TRIM33: variants seen among roughly 807,000 people sequenced by gnomAD.
TRIM33 encodes E3 ubiquitin-protein ligase TRIM33.
In TRIM33, 20 loss-of-function variants were observed where a neutral mutation model predicts 125.4. The ratio of observed to expected loss-of-function variants is 0.16; its 90% CI spans 0.11 to 0.23. The LOEUF (loss-of-function observed/expected upper bound fraction) is 0.23, where lower values mean the gene tolerates loss of function less well. Ranked by LOEUF, TRIM33 falls within the 10% of genes least tolerant of loss-of-function variation. The pLI is 1.00. For missense variants in TRIM33, 920 were observed against 1,411.4 expected (o/e 0.65, Z 5.58); for synonymous variants, 564 against 513.9 (o/e 1.10, Z -1.32).
intron 1 of TRIM33, among the ~76,000 whole-genome samples, chr1:114,497,994 G>A (rs1652472886): frequency 6.6e-6 from 1 of 151,938 alleles, no homozygotes. Context: ...TGGGCACAGT[G>A]GTACACGTCT....
At chr1:114,413,578 A>AGAAAATAAAAAGACTTTTTCT (rs1553206938) in intron 11 of TRIM33, among the ~76,000 whole-genome samples, 1 of 132,224 alleles carries the variant, frequency 7.6e-6, no homozygotes, top group African/African-American at 3.2e-5. Context: ...AAAAAAGAAA[A>AGAAAATAAAAAGACTTTTTCT]GAAAAGAAAA....
In TRIM33 at chr1:114,501,205, A is replaced by AG. The variant is rs1267649321; in HGVS notation, c.526+9345_526+9346insC. On this transcript the variant is annotated intron_variant, in intron 1 of 19. Transcript: ENST00000358465. ...ACTCCGTCTCAAAAAAAAAAAAAAAAAAAAAAAGAATTTGGGAGGGACTTG... is the reference window on the plus strand; with the variant it reads ...ACTCCGTCTCAAAAAAAAAAAAAAAAGAAAAAAAGAATTTGGGAGGGACTTG... Among the ~76,000 whole-genome samples, 7 of 64,784 alleles carry AG rather than the reference A, an allele frequency of 1.1e-4. 1 individual carries two copies. The highest frequency in any genetic ancestry group is 5.9e-4 in the African/African-American group (7 of 11,922). The allele number at this position is 64,784 out of a possible 152,430, so 42.5% of individuals were successfully genotyped here. A position where few individuals can be genotyped will look rare whatever the true frequency, so the allele number is the denominator to read the frequency against.
chr1:114,487,690 G>A (rs2101519949), intron 1 of TRIM33, among the ~76,000 whole-genome samples: 1 of 151,216 alleles, frequency 6.6e-6, no homozygotes, highest in East Asian at 1.9e-4. Flanking sequence ...GAGGTCAGGA[G>A]ATCGAGACCA....
chr1:114,444,364 G>A (rs1028668159), intron 4 of TRIM33, among the ~76,000 whole-genome samples: 1 of 152,186 alleles, frequency 6.6e-6, no homozygotes, highest in African/African-American at 2.4e-5. Flanking sequence ...GTTGACACTG[G>A]AAGAGAAGAA....
intron 11 of TRIM33, among the ~76,000 whole-genome samples, chr1:114,414,987 C>CTTTTTTTT (rs1232374980): frequency 3.7e-5 from 4 of 108,198 alleles, no homozygotes; most frequent in Non-Finnish European, 5.8e-5. Context: ...GAGGTAGATT[C>CTTTTTTTT]TATTTTTTTT....
At chr1:114,452,374 C>T (rs1052452886) in intron 4 of TRIM33, among the ~76,000 whole-genome samples, 1 of 151,998 alleles carries the variant, frequency 6.6e-6, no homozygotes, top group Non-Finnish European at 1.5e-5. Flanking sequence ...GCAGGAGAAT[C>T]GCTTGAAACC....
In TRIM33 at chr1:114,488,891, G is replaced by T. The variant is rs191333534; in HGVS notation, c.526+21660C>A. ...AAAAATAAAAAAATTGCTGGGTGTG[G>T]TGTAGCCACACATCTGTAGTGGTGT... On this transcript the variant is annotated intron_variant, in intron 1 of 19. Transcript: ENST00000358465. Among the ~76,000 whole-genome samples, 94 of 152,282 alleles carry T rather than the reference G, an allele frequency of 6.2e-4. 1 individual carries two copies. The highest frequency in any genetic ancestry group is 1.4e-3 in the Admixed American group (21 of 15,294).
At chr1:114,406,048 T>G (rs191327576) in intron 14 of TRIM33, among the ~76,000 whole-genome samples, 2 of 152,208 alleles carry the variant, frequency 1.3e-5, no homozygotes, top group Non-Finnish European at 1.5e-5. Context: ...GTTATACTTT[T>G]CCTTGAGAGA....
intron 1 of TRIM33, among the ~76,000 whole-genome samples, chr1:114,490,084 C>CAAAAAAA (rs776451339): frequency 4.8e-4 from 18 of 37,498 alleles, no homozygotes; most frequent in African/African-American, 9.2e-4. Context: ...GACTCCGTCT[C>CAAAAAAA]AAAAAAAAAA....
intron 10 of TRIM33, among the ~76,000 whole-genome samples, chr1:114,424,136 T>A (rs561864051): frequency 4.4e-4 from 66 of 151,632 alleles, no homozygotes; most frequent in African/African-American, 1.6e-3. Flanking sequence ...AATATTTGAG[T>A]AGAGAAAAGG....
chr1:114,460,108 C>T lies in TRIM33; in HGVS notation c.923+2996G>A, dbSNP rs139395939. ...AAAGGATGATAAATTTCAGATTGTGCGAGGACACTATAAAGGTCAGCAAAC... is the reference window on the plus strand; with the variant it reads ...AAAGGATGATAAATTTCAGATTGTGTGAGGACACTATAAAGGTCAGCAAAC... On this transcript the variant is annotated intron_variant, in intron 4 of 19. Transcript: ENST00000358465. 773 of 163,862 alleles carry T rather than the reference C, an allele frequency of 4.7e-3. 4 individuals carry two copies. The highest frequency in any genetic ancestry group is 7.7e-3 in the Non-Finnish European group (565 of 72,940). The allele number at this position is 163,862 out of a possible 1,614,324, so 10.2% of individuals were successfully genotyped here. A position where few individuals can be genotyped will look rare whatever the true frequency, so the allele number is the denominator to read the frequency against.
chr1:114,415,270 T>TA (rs1652864436), intron 11 of TRIM33, among the ~76,000 whole-genome samples: 1 of 152,110 alleles, frequency 6.6e-6, no homozygotes, highest in African/African-American at 2.4e-5. Context: ...GTGCTGGGAC[T>TA]ACAGGCAGAG....
chr1:114,422,750 C>T (rs1647282562), intron 10 of TRIM33, among the ~76,000 whole-genome samples: 3 of 151,598 alleles, frequency 2.0e-5, no homozygotes, highest in African/African-American at 7.3e-5. Flanking sequence ...CAAATGGGTT[C>T]GAATATTTGA....
chr1:114,459,383 G>C (rs1010547433), intron 4 of TRIM33, among the ~76,000 whole-genome samples: 20 of 152,162 alleles, frequency 1.3e-4, no homozygotes, highest in African/African-American at 4.6e-4. Flanking sequence ...GGAGGATAAG[G>C]CATCCACCAC....
intron 5 of TRIM33, among the ~76,000 whole-genome samples, chr1:114,431,473 A>G (rs2101187443): frequency 6.6e-6 from 1 of 152,342 alleles, no homozygotes; most frequent in Non-Finnish European, 1.5e-5. Flanking sequence ...ATTTTTAAGA[A>G]TAGCTTTAGA....
At chr1:114,464,446 T>C (rs1650169345) in intron 1 of TRIM33, 58 bp from the exon 2 acceptor site, 2 of 977,108 alleles carry the variant, frequency 2.0e-6, no homozygotes, top group South Asian at 3.3e-5. Context: ...AAATTGTGCA[T>C]GATGTCCATA....
intron 16 of TRIM33, 111 bp from the exon 17 acceptor site, chr1:114,401,574 A>G: frequency 1.3e-6 from 1 of 785,114 alleles, no homozygotes; most frequent in Non-Finnish European, 2.0e-6. Flanking sequence ...ACTGAACACA[A>G]GCCCCCTGTT....
intron 11 of TRIM33, among the ~76,000 whole-genome samples, chr1:114,415,455 T>C (rs1008915760): frequency 2.0e-5 from 3 of 152,202 alleles, no homozygotes; most frequent in Non-Finnish European, 4.4e-5. Context: ...ATAATTCCTA[T>C]CTGGAATATC....
intron 8 of TRIM33, among the ~76,000 whole-genome samples, chr1:114,425,941 T>C (rs1198006690): frequency 6.6e-6 from 1 of 152,178 alleles, no homozygotes; most frequent in South Asian, 2.1e-4. Flanking sequence ...CAGAAAAATA[T>C]ACTCTCTGTC....
Sources: allele counts gnomAD v4.1 joint callset (sites outside exome capture counted in the v4.1 genomes callset), GRCh38; gene constraint gnomAD v4.1.1; transcripts MANE v1.5; gene names NCBI Gene and HGNC (gene_info 2026-07-23, HGNC 2026-07-21).